ZCWPW1: variants seen among roughly 807,000 people sequenced by gnomAD.
The protein encoded by ZCWPW1 is zinc finger CW-type and PWWP domain containing 1.
In ZCWPW1, 56 loss-of-function variants were observed where a neutral mutation model predicts 81.3. The observed-to-expected ratio is 0.69, with a 90% confidence interval of 0.56 to 0.86. The LOEUF is 0.86. Ranked by LOEUF, ZCWPW1 falls within the 40% of genes least tolerant of loss-of-function variation. The pLI, the probability that ZCWPW1 is intolerant of heterozygous loss-of-function variation, is 0.00. For missense variants in ZCWPW1, 650 were observed against 769.8 expected (o/e 0.84, Z 1.84); for synonymous variants, 250 against 273.7 (o/e 0.91, Z 0.86).
intron 11 of ZCWPW1, 114 bp from the exon 12 acceptor site, chr7:100,406,912 C>T (rs1273663370): frequency 2.2e-6 from 2 of 920,946 alleles, no homozygotes; most frequent in Non-Finnish European, 3.3e-6. Context: ...CTGGGCCTCA[C>T]ATACTCCTTT....
intron 8 of ZCWPW1, among the ~76,000 whole-genome samples, chr7:100,410,264 A>G (rs921978900): frequency 6.6e-6 from 1 of 151,904 alleles, no homozygotes; most frequent in Non-Finnish European, 1.5e-5. Flanking sequence ...TCGAGCAACA[A>G]AAGTCCACAT....
intron 13 of ZCWPW1, 82 bp from the exon 14 acceptor site, chr7:100,404,326 T>C (rs980819232): frequency 7.9e-6 from 10 of 1,269,028 alleles, no homozygotes; most frequent in African/African-American, 3.0e-5. Context: ...AATTTAGTTA[T>C]GATGAAATTC....
At chr7:100,415,507 C>A (rs1246352493) in intron 8 of ZCWPW1, among the ~76,000 whole-genome samples, 2 of 152,168 alleles carry the variant, frequency 1.3e-5, no homozygotes, top group Admixed American at 1.3e-4. Context: ...GTAGCTATAA[C>A]CAAACCGCTA....
intron 4 of ZCWPW1, among the ~76,000 whole-genome samples, 158 bp downstream of exon 4, chr7:100,419,472 C>T (rs1341128956): frequency 1.3e-5 from 2 of 151,966 alleles, no homozygotes; most frequent in African/African-American, 4.8e-5. Flanking sequence ...ACATTTTTGA[C>T]CTCTTTGAGA....
intron 2 of ZCWPW1, 24 bp from the exon 3 acceptor site, chr7:100,420,702 G>A: frequency 6.2e-7 from 1 of 1,601,856 alleles, no homozygotes; most frequent in African/African-American, 1.3e-5. Flanking sequence ...GAAATTAACT[G>A]CTATGACTCT....
Position 100,407,905 on chromosome 7 carries a change from T to C in ZCWPW1, c.993-602A>G, listed in dbSNP as rs556420210. Among the ~76,000 whole-genome samples the C allele has an allele frequency of 3.3e-5, 5 of 152,234 alleles. No individual in the cohort carries two copies. In the South Asian group the frequency reaches 1.0e-3, roughly 32 times the overall value. On this transcript the variant is annotated intron_variant, in intron 10 of 17. Transcript: ENST00000684423. ...CTAGAGACATCTCCAAAGAAGAAAC[T>C]ATCCCACTTTTCCTTGTTCCCTTTA...
Position 100,407,288 on chromosome 7 carries a change from T to C in ZCWPW1, c.1008A>G (p.Ile336Met), listed in dbSNP as rs770188603. The change falls in exon 11 of 18, where the codon ATA becomes ATG. Residue 336 changes from isoleucine to methionine, a missense_variant. Ile to Met is a conservative substitution (Grantham distance 10). Transcript: ENST00000684423. The part of the protein sequence containing the change: ...QYGYPWWPGM[I>M]ESDPDLGEYF... ...ATTCCCCTAAGTCAGGATCAGATTC[T>C]ATCATGCCTGGCCACCTGGAGAAGA... The C allele has an allele frequency of 6.2e-7, 1 of 1,613,830 alleles. No individual in the cohort carries two copies. Among genetic ancestry groups the C allele is most frequent in the South Asian group, 1.1e-5 (1 of 91,022 alleles).
chr7:100,418,431 G>A (rs1360795686), intron 5 of ZCWPW1, among the ~76,000 whole-genome samples: 5 of 152,136 alleles, frequency 3.3e-5, no homozygotes, highest in Admixed American at 6.5e-5. Context: ...TGGGAGAATC[G>A]TTTGCAGCCA....
chr7:100,415,910 C>A lies in ZCWPW1; in HGVS notation c.754+65G>T, dbSNP rs535930768. ...TGCAGAGGTTCCTCTAACATCCTAA[C>A]CCTGCCTCTCTGCTCTATTTCAAAT... On this transcript the variant is annotated intron_variant, in intron 8 of 17. Coordinates refer to ENST00000684423, the MANE Select transcript of ZCWPW1 (RefSeq NM_001386010.1). The A allele has an allele frequency of 6.7e-5, 108 of 1,605,266 alleles. 1 individual carries two copies. In the African/African-American group the frequency reaches 1.3e-3, roughly 19 times the overall value.
intron 1 of ZCWPW1, 144 bp downstream of exon 1, chr7:100,428,424 G>T (rs1315775833): frequency 6.6e-6 from 1 of 152,270 alleles, no homozygotes; most frequent in Non-Finnish European, 1.5e-5. Context: ...ATCCTCTTTG[G>T]TGTCACATAT....
intron 5 of ZCWPW1, chr7:100,418,790 CA>C (rs374789575): frequency 3.8e-3 from 501 of 133,038 alleles, no homozygotes; most frequent in East Asian, 9.1e-3. Flanking sequence ...GATTCCATCT[CA>C]AAAAAAAAAA....
chr7:100,402,035 C>T lies in ZCWPW1; in HGVS notation c.1481G>A (p.Gly494Glu), dbSNP rs374199507. 6.2e-7 allele frequency: 1 copy of T among 1,608,596 alleles called. No individual in the cohort carries two copies. Among genetic ancestry groups the T allele is most frequent in the African/African-American group, 1.3e-5 (1 of 74,768 alleles). ...QTQKTKPRGL[G>E]GDAGTADGRG... ...GCCATCTGCTGTGCCTGCATCACCC[C>T]CAAGCCCTAGCCGTGAGGGAAATGC... The change falls in exon 17 of 18, where the codon GGG becomes GAG. Residue 494 changes from glycine (G) to glutamate (E), a missense_variant. By Grantham distance (98) the Gly-to-Glu change is moderately conservative. Transcript: ENST00000684423.
chr7:100,419,379 A>C (rs995553880), intron 4 of ZCWPW1, among the ~76,000 whole-genome samples, 190 bp from the exon 5 acceptor site: 20 of 152,164 alleles, frequency 1.3e-4, no homozygotes, highest in Non-Finnish European at 1.9e-4. Flanking sequence ...GGAAAGAGAA[A>C]AGTGTATAAT....
chr7:100,406,878 T>C (rs1793120439), intron 11 of ZCWPW1, 80 bp from the exon 12 acceptor site: 2 of 1,317,838 alleles, frequency 1.5e-6, no homozygotes, highest in Admixed American at 1.9e-5. Flanking sequence ...ATCGGGAGAA[T>C]GGGAATTCAC....
chr7:100,402,254 C>A, intron 16 of ZCWPW1: 1 of 801,488 alleles, frequency 1.2e-6, no homozygotes, highest in East Asian at 2.4e-5. Context: ...CTTTACAGTT[C>A]TCCTCAGAGT....
intron 2 of ZCWPW1, 58 bp from the exon 3 acceptor site, chr7:100,420,736 C>T: frequency 6.4e-7 from 1 of 1,554,838 alleles, no homozygotes; most frequent in Non-Finnish European, 8.8e-7. Context: ...TTTAAACTTT[C>T]TGTCTACTTG....
At chr7:100,419,275 A>C in intron 4 of ZCWPW1, 86 bp from the exon 5 acceptor site, 1 of 1,178,490 alleles carries the variant, frequency 8.5e-7, no homozygotes, top group Non-Finnish European at 1.2e-6. Context: ...CCTTCAGATG[A>C]GGCAGTAAGT....
Position 100,400,874 on chromosome 7 carries a change from G to T in ZCWPW1, c.*140C>A. On this transcript the variant is annotated 3_prime_UTR_variant, in exon 18 of 18. Coordinates refer to ENST00000684423, the MANE Select transcript of ZCWPW1 (RefSeq NM_001386010.1). ...CAGTTAGAGACCAGCCAACCCAGTCGACTGTAACCTGCTTTATTAACACAG... is the reference window on the plus strand; with the variant it reads ...CAGTTAGAGACCAGCCAACCCAGTCTACTGTAACCTGCTTTATTAACACAG... The T allele has an allele frequency of 1.0e-6, 1 of 973,534 alleles. No individual in the cohort carries two copies. The highest frequency in any genetic ancestry group is 2.0e-5 in the South Asian group (1 of 51,018). The allele number at this position is 973,534 out of a possible 1,614,324, so 60.3% of individuals were successfully genotyped here. A position where few individuals can be genotyped will look rare whatever the true frequency, so the allele number is the denominator to read the frequency against.
In ZCWPW1 at chr7:100,404,241, G is replaced by A. The variant is rs748827846; in HGVS notation, c.1258C>T (p.Arg420Trp). The A allele has an allele frequency of 1.9e-5, 31 of 1,613,838 alleles. No individual in the cohort carries two copies. In the Admixed American group the frequency reaches 3.3e-4, roughly 17 times the overall value. ...QEAEQISIQE[R>W]VNLFGFWSRF... ...CTCCAGAAACCAAACAAGTTAACCC[G>A]TTCCTAAGGGAACCAAGAAACAAAA... The change falls in exon 14 of 18, where the codon CGG becomes TGG. Residue 420 changes from arginine to tryptophan, a missense_variant. Physicochemically the swap from Arg to Trp is moderately radical, Grantham distance 101 (BLOSUM62 -3). Coordinates refer to ENST00000684423, the MANE Select transcript of ZCWPW1 (RefSeq NM_001386010.1).
Sources: gnomAD v4.1 joint callset for allele counts (sites outside exome capture counted in the v4.1 genomes callset) on GRCh38, gnomAD v4.1.1 for gene constraint, MANE v1.5 for transcripts, NCBI Gene and HGNC (gene_info 2026-07-23, HGNC 2026-07-21) for gene names.